Variants in CIB2 observed in about 807,000 individuals in gnomAD.
CIB2 encodes calcium and integrin binding family member 2.
Under a neutral mutation model 23.1 loss-of-function variants are expected in CIB2, and 19 were observed. The ratio of observed to expected loss-of-function variants is 0.82; its 90% CI spans 0.57 to 1.21. CIB2 has a LOEUF of 1.21. Among genes scored for constraint, CIB2 ranks in the 50% most tolerant of loss-of-function variants. The probability of loss-of-function intolerance (pLI) is 0.00; values close to 1 mark genes in which losing one functional copy is unlikely to be tolerated. For synonymous variants in CIB2, 94 were observed against 91.7 expected, an observed-to-expected ratio of 1.03 and a Z score of -0.14; for missense variants, 220 against 241.5, an observed-to-expected ratio of 0.91 and a Z score of 0.59.
At position 78,111,222 on chromosome 15, in the gene CIB2, C is replaced by T. The variant is rs199524336; in HGVS notation, c.141G>A (p.Arg47=). ...TGGGCACGTGGACGATGGGGCTCTT[C>T]CTGTAGTCCATTGGGACGAGGTTGG... The part of the protein sequence containing the change: ...LAPNLVPMDY[R]KSPIVHVPMS... Residue 47 remains arginine (R), a synonymous_variant, in exon 3 of 6, where the codon AGG becomes AGA. Coordinates refer to ENST00000258930, the MANE Select transcript of CIB2 (RefSeq NM_006383.4). 11 of 1,614,174 alleles carry T rather than the reference C, an allele frequency of 6.8e-6. No homozygotes were observed. The East Asian group carries it at 2.5e-4, about 36-fold the overall frequency.
chr15:78,113,649 G>A (rs1389916702), intron 2 of CIB2, among the ~76,000 whole-genome samples: 2 of 151,842 alleles, frequency 1.3e-5, no homozygotes, highest in African/African-American at 4.8e-5. Flanking sequence ...TCCTGCCTCA[G>A]CCTCCTGAGT....
Position 78,131,105 on chromosome 15 carries a change from A to G in CIB2, c.51+60T>C. The G allele has an allele frequency of 6.8e-7, 1 of 1,470,762 alleles. No homozygotes were observed. 91.1% of individuals were successfully genotyped at this position (1,470,762 alleles called of 1,614,324 possible). On this transcript the variant is annotated intron_variant, in intron 1 of 5. Transcript: ENST00000258930. The surrounding 1 kb of genome is among the most constrained non-coding windows in gnomAD (Gnocchi z 5.8). ...CGGGAGGCCTCGGCCAGCGACCGAG[A>G]AAAGGGAGGGGCGGCGGGGCGGCGG...
At chr15:78,120,099 T>C (rs774787361) in intron 2 of CIB2, among the ~76,000 whole-genome samples, 217 of 152,116 alleles carry the variant, frequency 1.4e-3, no homozygotes, top group Non-Finnish European at 2.2e-3. Context: ...GACAGGGGTC[T>C]CACCATGTTG....
At chr15:78,106,026 C>T in intron 4 of CIB2, 92 bp from the exon 5 acceptor site, 2 of 982,268 alleles carry the variant, frequency 2.0e-6, no homozygotes. Flanking sequence ...GGCCCCACTA[C>T]CTCCACCAGC....
chr15:78,119,634 T>C (rs1175806344), intron 2 of CIB2, among the ~76,000 whole-genome samples: 2 of 152,076 alleles, frequency 1.3e-5, no homozygotes, highest in Non-Finnish European at 2.9e-5. Context: ...TGGCATGATC[T>C]CGGCTCACTG....
intron 3 of CIB2, chr15:78,110,879 G>A: frequency 3.1e-6 from 1 of 321,022 alleles, no homozygotes; most frequent in East Asian, 5.1e-5. Flanking sequence ...ACACAGGTCT[G>A]CCAACTACAG....
At chr15:78,127,317 T>A (rs2074394412) in intron 1 of CIB2, among the ~76,000 whole-genome samples, 1 of 152,096 alleles carries the variant, frequency 6.6e-6, no homozygotes, top group African/African-American at 2.4e-5. Flanking sequence ...AAGTGCCCCA[T>A]CACTGCTTGG....
chr15:78,128,483 C>T (rs2074410558), intron 1 of CIB2, among the ~76,000 whole-genome samples: 2 of 152,114 alleles, frequency 1.3e-5, no homozygotes, highest in Non-Finnish European at 1.5e-5. Context: ...TTGAGACCAG[C>T]CTGGCCAACA....
intron 4 of CIB2, among the ~76,000 whole-genome samples, chr15:78,107,663 CCT>C (rs746081276): frequency 6.6e-5 from 10 of 152,236 alleles, no homozygotes; most frequent in African/African-American, 1.9e-4. Flanking sequence ...TCTGCACGCC[CCT>C]GTCTTGGGCA....
At chr15:78,128,035 C>A (rs964970316) in intron 1 of CIB2, among the ~76,000 whole-genome samples, 1 of 152,230 alleles carries the variant, frequency 6.6e-6, no homozygotes, top group African/African-American at 2.4e-5. Flanking sequence ...CATTTGACAA[C>A]ATCCTCCAAA....
intron 4 of CIB2, among the ~76,000 whole-genome samples, chr15:78,108,945 A>G (rs1465748896): frequency 6.6e-6 from 1 of 150,604 alleles, no homozygotes; most frequent in Non-Finnish European, 1.5e-5. Context: ...CTCCAGTCCA[A>G]GCCTCTGCTA....
At chr15:78,121,800 A>G (rs2074322994) in intron 2 of CIB2, among the ~76,000 whole-genome samples, 1 of 152,240 alleles carries the variant, frequency 6.6e-6, no homozygotes, top group Admixed American at 6.5e-5. Flanking sequence ...TCTTTATAGC[A>G]GCATGAGAAT....
At position 78,105,089 on chromosome 15, in the gene CIB2, G is replaced by T; in HGVS notation, c.*222C>A. 1 of 592,700 alleles carries T rather than the reference G, an allele frequency of 1.7e-6. No individual in the cohort carries two copies. The highest frequency in any genetic ancestry group is 2.9e-6 in the Non-Finnish European group (1 of 341,816). 36.7% of individuals were successfully genotyped at this position (592,700 alleles called of 1,614,324 possible). A position where few individuals can be genotyped will look rare whatever the true frequency, so the allele number is the denominator to read the frequency against. ...TGCGGAGGGCCTGGAGAGAGGCCAT[G>T]GGTCCCGGGGCTGGACCACAGCGGG... is the stretch of plus-strand genomic sequence containing the variant. On this transcript the variant is annotated 3_prime_UTR_variant, in exon 6 of 6. Coordinates refer to ENST00000258930, the MANE Select transcript of CIB2 (RefSeq NM_006383.4).
intron 1 of CIB2, among the ~76,000 whole-genome samples, chr15:78,126,692 G>T (rs773212393): frequency 6.6e-6 from 1 of 152,202 alleles, no homozygotes; most frequent in Non-Finnish European, 1.5e-5. Flanking sequence ...CAGCAGTTAC[G>T]TTATTTCAGT....
Position 78,131,091 on chromosome 15 carries a change from G to A in CIB2, c.51+74C>T, listed in dbSNP as rs112308337. The A allele has an allele frequency of 0.16, 225,559 of 1,378,302 alleles. 20,762 individuals are homozygous for A. The highest frequency in any genetic ancestry group is 0.19 in the Non-Finnish European group (190,723 of 1,018,084). 85.4% of individuals were successfully genotyped at this position (1,378,302 alleles called of 1,614,324 possible). A position where few individuals can be genotyped will look rare whatever the true frequency, so the allele number is the denominator to read the frequency against. The stretch of plus-strand genomic sequence containing the variant: ...GGAGAGCTGGCTCTCGGGAGGCCTC[G>A]GCCAGCGACCGAGAAAAGGGAGGGG... On this transcript the variant is annotated intron_variant, in intron 1 of 5. Transcript: ENST00000258930. This position sits in a 1 kb window ranked among gnomAD's most constrained non-coding sequence, Gnocchi z 5.8.
At chr15:78,126,433 C>T (rs963272890) in intron 1 of CIB2, among the ~76,000 whole-genome samples, 3 of 152,132 alleles carry the variant, frequency 2.0e-5, no homozygotes, top group African/African-American at 7.2e-5. Flanking sequence ...CATGAGCTAC[C>T]ACGCATAGCC....
At chr15:78,106,079 C>T (rs2074066444) in intron 4 of CIB2, 145 bp from the exon 5 acceptor site, 1 of 679,462 alleles carries the variant, frequency 1.5e-6, no homozygotes, top group East Asian at 2.7e-5. Flanking sequence ...TCTTGGGATA[C>T]TGGATCCCTG....
rs1429269193 is a variant in CIB2, at chr15:78,105,330, G to C, written c.545C>G (p.Thr182Ser). 6.2e-7 allele frequency: 1 copy of C among 1,613,962 alleles called. No individual in the cohort carries two copies. The highest frequency in any genetic ancestry group is 8.5e-7 in the Non-Finnish European group (1 of 1,179,978). Residue 182 changes from threonine to serine, a missense_variant and splice_region_variant, in exon 6 of 6, where the codon ACT (threonine) becomes AGT (serine). Transcript: ENST00000258930. ...GTGTCCTCAGATCCGGATGTGGAAA[G>C]TGCTAGAAAGAGAGAAAGGGCAAGA... ...MIAKAPDFLS[T>S]FHIRI
At chr15:78,115,676 C>CTTT (rs56754406) in intron 2 of CIB2, among the ~76,000 whole-genome samples, 74 of 71,314 alleles carry the variant, frequency 1.0e-3, no homozygotes, top group Non-Finnish European at 1.4e-3. Context: ...ATCTCCTTCT[C>CTTT]TTTTTTTTTT....
Sources: gnomAD v4.1 joint callset for allele counts (sites outside exome capture counted in the v4.1 genomes callset) on GRCh38, gnomAD v4.1.1 for gene constraint, Gnocchi (gnomAD v3.1) non-coding constraint, MANE v1.5 for transcripts, NCBI Gene and HGNC (gene_info 2026-07-23, HGNC 2026-07-21) for gene names.